PVT1: variants seen among roughly 807,000 people sequenced by gnomAD.
The protein encoded by PVT1 is Pvt1 oncogene.
chr8:128,027,445 T>C (rs998155400), intron 4 of PVT1, among the ~76,000 whole-genome samples: 12 of 152,184 alleles, frequency 7.9e-5, no homozygotes, highest in Non-Finnish European at 1.5e-4. Flanking sequence ...GTTTACCCAC[T>C]CCTACCCATG....
At chr8:127,823,105 T>C (rs1034134587) in intron 2 of PVT1, among the ~76,000 whole-genome samples, 26 of 152,238 alleles carry the variant, frequency 1.7e-4, no homozygotes, top group Admixed American at 3.9e-4. Flanking sequence ...AGTCTTTATA[T>C]TGAAAGTGGC....
intron 2 of PVT1, among the ~76,000 whole-genome samples, chr8:127,874,998 C>T (rs1015128597): frequency 1.3e-5 from 2 of 151,926 alleles, no homozygotes; most frequent in Admixed American, 6.6e-5. Context: ...TTTCACCATG[C>T]GTGCTTCTTT....
At chr8:127,924,971 C>G (rs1278435531) in intron 3 of PVT1, among the ~76,000 whole-genome samples, 1 of 152,152 alleles carries the variant, frequency 6.6e-6, no homozygotes, top group African/African-American at 2.4e-5. Context: ...TTAATATATT[C>G]ATGGAGTTGT....
At chr8:127,927,832 C>T (rs920297863) in intron 3 of PVT1, among the ~76,000 whole-genome samples, 3 of 152,312 alleles carry the variant, frequency 2.0e-5, no homozygotes, top group African/African-American at 4.8e-5. Flanking sequence ...TCTGAATTCA[C>T]GAGCAGTTTG....
intron 3 of PVT1, among the ~76,000 whole-genome samples, chr8:127,928,131 ACT>A (rs1816154506): frequency 1.3e-5 from 2 of 151,626 alleles, no homozygotes; most frequent in African/African-American, 4.8e-5. Context: ...TTAGCAAAAA[ACT>A]CTGCTGAGTC....
At chr8:127,942,945 A>G (rs1816370140) in intron 3 of PVT1, among the ~76,000 whole-genome samples, 1 of 152,240 alleles carries the variant, frequency 6.6e-6, no homozygotes, top group South Asian at 2.1e-4. Flanking sequence ...TGAGAAATAA[A>G]ATCTGAGGAG....
intron 2 of PVT1, among the ~76,000 whole-genome samples, chr8:127,849,795 A>ATG (rs1207684241): frequency 1.9e-5 from 2 of 106,750 alleles, no homozygotes; most frequent in African/African-American, 9.3e-5. Flanking sequence ...GCCTGTACAT[A>ATG]TGTGTGTGTG....
intron 3 of PVT1, among the ~76,000 whole-genome samples, chr8:127,962,612 A>G (rs1563651522): frequency 6.7e-6 from 1 of 149,988 alleles, no homozygotes; most frequent in African/African-American, 2.5e-5. Flanking sequence ...TCTGCATTTT[A>G]TTTTTTTTTG....
At chr8:127,877,314 C>G (rs1432306656) in intron 2 of PVT1, among the ~76,000 whole-genome samples, 2 of 152,218 alleles carry the variant, frequency 1.3e-5, no homozygotes, top group Non-Finnish European at 2.9e-5. Context: ...GCTGCTGTTT[C>G]TGTAACTTTC....
At chr8:127,905,930 G>A (rs563315034) in intron 3 of PVT1, among the ~76,000 whole-genome samples, 2 of 152,156 alleles carry the variant, frequency 1.3e-5, no homozygotes, top group African/African-American at 2.4e-5. Flanking sequence ...TCTTGACCTC[G>A]GTTTCCCCAT....
intron 2 of PVT1, among the ~76,000 whole-genome samples, chr8:127,860,374 C>T (rs949677819): frequency 6.6e-6 from 1 of 152,156 alleles, no homozygotes; most frequent in Non-Finnish European, 1.5e-5. Context: ...CGGAGAGGAG[C>T]CTTTGGGGGA....
intron 2 of PVT1, among the ~76,000 whole-genome samples, chr8:127,818,621 A>C (rs950137490): frequency 2.6e-4 from 40 of 152,206 alleles, no homozygotes; most frequent in African/African-American, 9.6e-4. Context: ...GTTGGAAGGC[A>C]ATCATGCATA....
chr8:127,916,469 G>A (rs1815986531), intron 3 of PVT1, among the ~76,000 whole-genome samples: 1 of 152,176 alleles, frequency 6.6e-6, no homozygotes, highest in Non-Finnish European at 1.5e-5. Flanking sequence ...TCAGGATTTA[G>A]ATTTCTTGTC....
At chr8:127,927,013 A>G (rs540500266) in intron 3 of PVT1, among the ~76,000 whole-genome samples, 1 of 152,238 alleles carries the variant, frequency 6.6e-6, no homozygotes, top group African/African-American at 2.4e-5. Context: ...TGTGCCGACA[A>G]TGACCTCAGC....
At chr8:127,851,539 G>A (rs1473462196) in intron 2 of PVT1, among the ~76,000 whole-genome samples, 1 of 152,130 alleles carries the variant, frequency 6.6e-6, no homozygotes, top group Non-Finnish European at 1.5e-5. Context: ...GCACCAATTG[G>A]TCTGTAATCC....
intron 3 of PVT1, chr8:127,947,417 C>T (rs1816435015): frequency 8.1e-6 from 2 of 245,630 alleles, no homozygotes; most frequent in African/African-American, 2.2e-5. Flanking sequence ...CGTTGAAAGT[C>T]CCCTCATCCT....
At chr8:128,087,747 C>CTTTTTTTTTTTTTTTTTTTTTT (rs71568675) in intron 5 of PVT1, among the ~76,000 whole-genome samples, 9 of 76,588 alleles carry the variant, frequency 1.2e-4, no homozygotes, top group African/African-American at 4.4e-4. Context: ...TGATGTGCTA[C>CTTTTTTTTTTTTTTTTTTTTTT]TTTTTTTTTT....
intron 5 of PVT1, among the ~76,000 whole-genome samples, chr8:128,082,364 G>T (rs531148773): frequency 1.3e-5 from 2 of 152,184 alleles, no homozygotes. Context: ...TTAAAATAAT[G>T]AGATTTAGAG....
intron 2 of PVT1, among the ~76,000 whole-genome samples, chr8:127,855,867 C>T (rs1053563131): frequency 3.2e-4 from 49 of 152,206 alleles, no homozygotes; most frequent in Admixed American, 6.5e-5. Flanking sequence ...GGGGTGGGGG[C>T]CCCACACCTG....
Sources: gnomAD v4.1 joint callset for allele counts (sites outside exome capture counted in the v4.1 genomes callset) on GRCh38, gnomAD v4.1.1 for gene constraint, MANE v1.5 for transcripts, NCBI Gene and HGNC (gene_info 2026-07-23, HGNC 2026-07-21) for gene names.